The following AFF3 variants were observed in gnomAD, a reference collection of about 807,000 sequenced individuals.
AFF3 encodes ALF transcription elongation factor 3, also known as AF4/FMR2 family member 3.
A neutral mutation model predicts 129.7 loss-of-function variants in AFF3; 32 were observed. The observed-to-expected ratio is 0.25, with a 90% CI of 0.19 to 0.33. The LOEUF (loss-of-function observed/expected upper bound fraction) is 0.33, where lower values mean the gene tolerates loss of function less well. AFF3 is among the 10% of genes least tolerant of loss of function. The pLI is 1.00. For synonymous variants in AFF3, 644 were observed against 635.4 expected, an observed-to-expected ratio of 1.01 and a Z score of -0.20; for missense variants, 1,373 against 1,592.0, an observed-to-expected ratio of 0.86 and a Z score of 2.34.
intron 8 of AFF3, among the ~76,000 whole-genome samples, chr2:99,779,619 C>T (rs1476945126): frequency 1.3e-5 from 2 of 152,162 alleles, no homozygotes; most frequent in Non-Finnish European, 2.9e-5. Context: ...TTAGTGACCC[C>T]ATCACCCGAA....
intron 8 of AFF3, among the ~76,000 whole-genome samples, chr2:99,782,047 C>T (rs1442599266): frequency 6.6e-6 from 1 of 152,198 alleles, no homozygotes; most frequent in Non-Finnish European, 1.5e-5. Flanking sequence ...AATGAACCCA[C>T]ACACACTAAA....
chr2:99,686,976 T>C (rs1365356298), intron 11 of AFF3, among the ~76,000 whole-genome samples: 1 of 152,230 alleles, frequency 6.6e-6, no homozygotes, highest in Non-Finnish European at 1.5e-5. Flanking sequence ...CCAGGCATGT[T>C]GCCAGCCAAT....
intron 11 of AFF3, among the ~76,000 whole-genome samples, chr2:99,677,825 T>C (rs1465525375): frequency 6.6e-6 from 1 of 152,206 alleles, no homozygotes; most frequent in African/African-American, 2.4e-5. Context: ...ATTGTTGTTT[T>C]GTTTTGTTTT....
intron 12 of AFF3, among the ~76,000 whole-genome samples, chr2:99,669,787 T>C (rs1277726509): frequency 6.6e-6 from 1 of 152,054 alleles, no homozygotes; most frequent in African/African-American, 2.4e-5. Flanking sequence ...CTGGCCAACA[T>C]GGTGAAACCC....
chr2:99,716,882 C>CA (rs58689373), intron 11 of AFF3, among the ~76,000 whole-genome samples: 4,966 of 80,818 alleles, frequency 0.061, 106 homozygotes, highest in Non-Finnish European at 0.084. Flanking sequence ...GACTCCGTCT[C>CA]AAAAAAAAAA....
intron 8 of AFF3, among the ~76,000 whole-genome samples, chr2:99,830,531 C>A (rs1262720047): frequency 6.6e-6 from 1 of 152,136 alleles, no homozygotes; most frequent in Admixed American, 6.5e-5. Flanking sequence ...ACAGGTGGAT[C>A]ATGTGAGGTC....
chr2:99,735,158 G>A (rs1680147374), intron 10 of AFF3, among the ~76,000 whole-genome samples: 1 of 151,922 alleles, frequency 6.6e-6, no homozygotes, highest in Admixed American at 6.6e-5. Flanking sequence ...GTCTAGTTTT[G>A]AAAAAATTTT....
At chr2:99,821,055 T>C (rs529271935) in intron 8 of AFF3, among the ~76,000 whole-genome samples, 12 of 151,992 alleles carry the variant, frequency 7.9e-5, no homozygotes, top group Admixed American at 2.0e-4. Flanking sequence ...GTATTTTTAG[T>C]ACAGACGGCG....
At chr2:99,706,345 T>A (rs546826035) in intron 11 of AFF3, among the ~76,000 whole-genome samples, 2 of 152,352 alleles carry the variant, frequency 1.3e-5, no homozygotes, top group South Asian at 2.1e-4. Flanking sequence ...GTCATTCAGA[T>A]TGCCTGACAA....
At chr2:99,905,945 T>C (rs561001061) in intron 7 of AFF3, among the ~76,000 whole-genome samples, 1 of 152,220 alleles carries the variant, frequency 6.6e-6, no homozygotes, top group East Asian at 1.9e-4. Context: ...GTTTGATAAA[T>C]ACGCTGATAA....
chr2:99,633,796 A>C (rs994720314), intron 13 of AFF3, among the ~76,000 whole-genome samples: 1 of 151,172 alleles, frequency 6.6e-6, no homozygotes, highest in African/African-American at 2.4e-5. Context: ...GACCTTCTCT[A>C]CCATGTTTGG....
intron 4 of AFF3, among the ~76,000 whole-genome samples, chr2:100,061,457 G>A (rs1390955185): frequency 6.6e-6 from 1 of 151,988 alleles, no homozygotes; most frequent in African/African-American, 2.4e-5. Context: ...CTATCTCCAA[G>A]GTGACAAAAA....
intron 23 of AFF3, 30 bp from the exon 24 acceptor site, chr2:99,554,564 T>G: frequency 6.2e-7 from 1 of 1,607,828 alleles, no homozygotes; most frequent in South Asian, 1.1e-5. Flanking sequence ...AAAACCAGAG[T>G]GGCGAGGTCG....
At chr2:99,566,132 A>G (rs1409470423) in intron 19 of AFF3, among the ~76,000 whole-genome samples, 1 of 150,800 alleles carries the variant, frequency 6.6e-6, no homozygotes, top group Admixed American at 6.6e-5. Flanking sequence ...TAATTTTTTT[A>G]TTTTTGAGAT....
At chr2:99,584,591 C>A (rs372541272) in intron 16 of AFF3, among the ~76,000 whole-genome samples, 29 of 152,298 alleles carry the variant, frequency 1.9e-4, no homozygotes, top group African/African-American at 6.7e-4. Context: ...GTAACATTCT[C>A]CAAAATCAAC....
intron 13 of AFF3, among the ~76,000 whole-genome samples, chr2:99,633,279 A>G (rs539479773): frequency 4.6e-5 from 7 of 152,142 alleles, no homozygotes; most frequent in Non-Finnish European, 1.0e-4. Flanking sequence ...TTTGCTGTCC[A>G]TGGAAGGCAG....
At chr2:100,008,671 G>A (rs555997711) in intron 5 of AFF3, 141 bp downstream of exon 5, 246 of 1,042,606 alleles carry the variant, frequency 2.4e-4, no homozygotes, top group Non-Finnish European at 3.1e-4. Flanking sequence ...CCCGTACTTG[G>A]TGGCTGAGCT....
chr2:99,945,282 G>A (rs1675452422), intron 7 of AFF3, among the ~76,000 whole-genome samples: 1 of 152,206 alleles, frequency 6.6e-6, no homozygotes, highest in Non-Finnish European at 1.5e-5. Flanking sequence ...TCTTTGACCA[G>A]GTAAAGCCAG....
At chr2:99,998,323 C>A (rs191569574) in intron 7 of AFF3, among the ~76,000 whole-genome samples, 10 of 152,234 alleles carry the variant, frequency 6.6e-5, no homozygotes, top group Admixed American at 6.5e-4. Flanking sequence ...GAAAAGGGCA[C>A]CCCAGGAGGG....
Sources: allele counts gnomAD v4.1 joint callset (sites outside exome capture counted in the v4.1 genomes callset), GRCh38; gene constraint gnomAD v4.1.1; transcripts MANE v1.5; gene names NCBI Gene and HGNC (gene_info 2026-07-23, HGNC 2026-07-21).